The following FREM2 variants were observed in gnomAD, a reference collection of about 807,000 sequenced individuals.
FREM2 encodes FRAS1 related extracellular matrix 2.
Under a neutral mutation model 219.9 loss-of-function variants are expected in FREM2, and 119 were observed. That is an observed-to-expected ratio of 0.54 (90% CI 0.47 to 0.63). The LOEUF (loss-of-function observed/expected upper bound fraction) is 0.63. Among genes scored for constraint, FREM2 ranks in the 30% least tolerant of loss-of-function variants. The pLI, the probability that FREM2 is intolerant of heterozygous loss-of-function variation, is 0.00. For synonymous variants in FREM2, 1,562 were observed against 1,522.8 expected (o/e 1.03, Z -0.60); for missense variants, 4,030 against 3,993.6 (o/e 1.01, Z -0.25).
At chr13:38,722,779 C>T (rs73459870) in intron 2 of FREM2, among the ~76,000 whole-genome samples, 4,859 of 149,634 alleles carry the variant, frequency 0.032, 299 homozygotes, top group African/African-American at 0.11. Context: ...TGCCTGTCCA[C>T]GTGACCTCAG....
chr13:38,804,256 GC>G (rs1875134703), intron 6 of FREM2, among the ~76,000 whole-genome samples: 1 of 151,598 alleles, frequency 6.6e-6, no homozygotes, highest in African/African-American at 2.4e-5. Context: ...TTGATGATTA[GC>G]AAGTGCCAAC....
At chr13:38,741,107 C>A (rs1294727787) in intron 2 of FREM2, among the ~76,000 whole-genome samples, 1 of 152,114 alleles carries the variant, frequency 6.6e-6, no homozygotes, top group Non-Finnish European at 1.5e-5. Flanking sequence ...AACTAAGGCA[C>A]AAAGAATAAA....
chr13:38,870,127 T>A (rs1878108708), intron 16 of FREM2, among the ~76,000 whole-genome samples: 2 of 152,192 alleles, frequency 1.3e-5, no homozygotes, highest in African/African-American at 4.8e-5. Context: ...TTATGCCTCT[T>A]TTTTACTATG....
Position 38,691,579 on chromosome 13 carries a change from T to C in FREM2, c.4235T>C (p.Val1412Ala), listed in dbSNP as rs1869863483. The C allele has an allele frequency of 6.2e-7, 1 of 1,614,048 alleles. No homozygotes were observed. Among genetic ancestry groups the C allele is most frequent in the African/African-American group, 1.3e-5 (1 of 74,912 alleles). Reference sequence around the variant, plus strand: ...CCCCTCATAGATCGTTACTTTTATGTGTCCATCGGGAGCATTGACATTGTC... The same window carrying C: ...CCCCTCATAGATCGTTACTTTTATGCGTCCATCGGGAGCATTGACATTGTC... ...INPLIDRYFY[V>A]SIGSIDIVFP... Residue 1412 changes from valine to alanine, a missense_variant, in exon 1 of 24, where the codon GTG (valine) becomes GCG (alanine). Val to Ala is a moderately conservative substitution (Grantham distance 64). Transcript: ENST00000280481.
At position 38,863,611 on chromosome 13, in the gene FREM2, C is replaced by A. The variant is rs148605932; in HGVS notation, c.7652-664C>A. ...TCTTGAAGATATCATTAATGTCTGA[C>A]TTAATAGAAGATAACTGGATTCTCT... On this transcript the variant is annotated intron_variant, in intron 15 of 23. Coordinates refer to ENST00000280481, the MANE Select transcript of FREM2 (RefSeq NM_207361.6). Among the ~76,000 whole-genome samples, 823 of 152,176 alleles carry A rather than the reference C, an allele frequency of 5.4e-3. 36 individuals carry two copies. Among genetic ancestry groups the A allele is most frequent in the Admixed American group, 0.048 (741 of 15,282 alleles).
Position 38,691,606 on chromosome 13 carries a change from T to A in FREM2, c.4262T>A (p.Phe1421Tyr). 6.2e-7 allele frequency: 1 copy of A among 1,614,170 alleles called. No homozygotes were observed. Among genetic ancestry groups the A allele is most frequent in the Non-Finnish European group, 8.5e-7 (1 of 1,180,024 alleles). ...YVSIGSIDIV[F>Y]PDVISKGVSL... is the part of the protein sequence containing the mutation. ...TCCATCGGGAGCATTGACATTGTCT[T>A]CCCTGATGTGATAAGTAAGGGAGTG... The change falls in exon 1 of 24, where the codon TTC becomes TAC. Residue 1421 changes from phenylalanine to tyrosine, a missense_variant. Coordinates refer to ENST00000280481, the MANE Select transcript of FREM2 (RefSeq NM_207361.6).
chr13:38,708,236 G>A (rs1182023667), intron 2 of FREM2, among the ~76,000 whole-genome samples: 6 of 152,122 alleles, frequency 3.9e-5, no homozygotes, highest in South Asian at 2.1e-4. Flanking sequence ...ATAGGTGCTC[G>A]ATAAATATTT....
intron 2 of FREM2, among the ~76,000 whole-genome samples, chr13:38,755,363 G>T (rs963510418): frequency 6.6e-6 from 1 of 152,228 alleles, no homozygotes; most frequent in Non-Finnish European, 1.5e-5. Flanking sequence ...ACCCCCAGGG[G>T]TGGGCCACAT....
At chr13:38,783,035 C>T (rs773307134) in intron 4 of FREM2, 35 bp from the exon 5 acceptor site, 2 of 1,611,296 alleles carry the variant, frequency 1.2e-6, no homozygotes, top group South Asian at 1.1e-5. Flanking sequence ...GAAGCTCAGA[C>T]AAAAATAATG....
At chr13:38,850,297 A>G (rs1001222812) in intron 9 of FREM2, 62 bp downstream of exon 9, 20 of 1,327,254 alleles carry the variant, frequency 1.5e-5, no homozygotes, top group Non-Finnish European at 2.1e-5. Context: ...ACTCAGAAAT[A>G]TATATCAGGG....
At chr13:38,809,141 A>G (rs1328702350) in intron 6 of FREM2, among the ~76,000 whole-genome samples, 2 of 151,428 alleles carry the variant, frequency 1.3e-5, no homozygotes, top group African/African-American at 4.8e-5. Flanking sequence ...CTTCAAGTTC[A>G]GAAATTCTTC....
Position 38,878,171 on chromosome 13 carries a change from C to A in FREM2, c.8709C>A (p.Val2903=), listed in dbSNP as rs1234974335. The change falls in exon 22 of 24, where the codon GTC becomes GTA. Residue 2903 remains valine, a synonymous_variant. Coordinates refer to ENST00000280481, the MANE Select transcript of FREM2 (RefSeq NM_207361.6). ...ATGGTCGTGTCATGGTGGATCCTGT[C>A]CAGAATCTGGGTGACTCCTTTTACT... ...IIYGRVMVDP[V]QNLGDSFYCS... 1.9e-6 allele frequency: 3 copies of A among 1,613,740 alleles called. No homozygotes were observed. The Admixed American group carries it at 5.0e-5, about 27-fold the overall frequency.
intron 4 of FREM2, among the ~76,000 whole-genome samples, chr13:38,779,975 C>T (rs910134761): frequency 6.6e-6 from 1 of 152,202 alleles, no homozygotes; most frequent in African/African-American, 2.4e-5. Flanking sequence ...ATCTCCCTGA[C>T]TTCTAAGTGC....
intron 6 of FREM2, among the ~76,000 whole-genome samples, chr13:38,824,730 C>T (rs183537164): frequency 6.6e-6 from 1 of 151,898 alleles, no homozygotes; most frequent in African/African-American, 2.4e-5. Context: ...CACACAAAAC[C>T]TGAAAGGATA....
chr13:38,880,236 T>C (rs752138192), intron 23 of FREM2, 48 bp from the exon 24 acceptor site: 2 of 1,584,018 alleles, frequency 1.3e-6, no homozygotes, highest in Admixed American at 1.7e-5. Flanking sequence ...GTGGATTAGA[T>C]TGACATGGTA....
intron 6 of FREM2, among the ~76,000 whole-genome samples, chr13:38,793,946 T>TA (rs1874667125): frequency 6.6e-6 from 1 of 150,700 alleles, no homozygotes. Flanking sequence ...GGCTTAGGAA[T>TA]AAAAAACAAT....
intron 2 of FREM2, among the ~76,000 whole-genome samples, chr13:38,699,295 T>G: frequency 6.6e-6 from 1 of 151,764 alleles, no homozygotes; most frequent in Non-Finnish European, 1.5e-5. Flanking sequence ...TTTAATAAAA[T>G]ATTTTGCTTT....
At chr13:38,795,019 A>G (rs1377429285) in intron 6 of FREM2, among the ~76,000 whole-genome samples, 7 of 152,136 alleles carry the variant, frequency 4.6e-5, no homozygotes, top group Non-Finnish European at 1.0e-4. Context: ...AGTGTTGAAT[A>G]TATGTCCTAA....
At chr13:38,752,017 C>G (rs147246079) in intron 2 of FREM2, among the ~76,000 whole-genome samples, 26 of 152,284 alleles carry the variant, frequency 1.7e-4, no homozygotes, top group Non-Finnish European at 3.2e-4. Flanking sequence ...TCAGAGCAAT[C>G]ACCAAAGGGT....
Sources: allele counts gnomAD v4.1 joint callset (sites outside exome capture counted in the v4.1 genomes callset), GRCh38; gene constraint gnomAD v4.1.1; transcripts MANE v1.5; gene names NCBI Gene and HGNC (gene_info 2026-07-23, HGNC 2026-07-21).